The following NAV2 variants were observed in gnomAD, a reference collection of about 807,000 sequenced individuals.
NAV2 encodes helicase, APC down-regulated 1.
Under a neutral mutation model 223.2 loss-of-function variants are expected in NAV2, and 54 were observed. The ratio of observed to expected loss-of-function variants is 0.24; its 90% confidence interval spans 0.19 to 0.30. The LOEUF (loss-of-function observed/expected upper bound fraction) is 0.30, where lower values mean the gene tolerates loss of function less well. Among genes scored for constraint, NAV2 ranks in the 10% least tolerant of loss-of-function variants. NAV2 has a pLI of 1.00. For missense variants in NAV2, 2,806 were observed against 3,147.5 expected, an observed-to-expected ratio of 0.89 and a Z score of 2.60; for synonymous variants, 1,279 against 1,239.3, an observed-to-expected ratio of 1.03 and a Z score of -0.67.
chr11:20,098,079 C>G (rs965966077), intron 31 of NAV2, among the ~76,000 whole-genome samples: 1 of 152,178 alleles, frequency 6.6e-6, no homozygotes, highest in Non-Finnish European at 1.5e-5. Flanking sequence ...TGGATGCAGT[C>G]CCGTTCTACA....
At chr11:19,960,604 T>TATTTATTG (rs1444895492) in intron 10 of NAV2, among the ~76,000 whole-genome samples, 1 of 149,584 alleles carries the variant, frequency 6.7e-6, no homozygotes, top group Admixed American at 6.7e-5. Flanking sequence ...TTTATTTATT[T>TATTTATTG]ATTTATTTAT....
intron 7 of NAV2, among the ~76,000 whole-genome samples, chr11:19,937,630 C>A (rs2046028260): frequency 1.3e-5 from 2 of 152,190 alleles, no homozygotes; most frequent in African/African-American, 4.8e-5. Flanking sequence ...TCAAGTTTTG[C>A]ATGGCTAACA....
chr11:20,019,516 C>G (rs1371417187), intron 11 of NAV2, among the ~76,000 whole-genome samples: 1 of 152,114 alleles, frequency 6.6e-6, no homozygotes, highest in African/African-American at 2.4e-5. Flanking sequence ...TGTCTGCCTT[C>G]ACCTAGTATT....
intron 1 of NAV2, among the ~76,000 whole-genome samples, chr11:19,611,109 C>T (rs1292425717): frequency 6.6e-6 from 1 of 152,086 alleles, no homozygotes; most frequent in Non-Finnish European, 1.5e-5. Flanking sequence ...ATGGTGGCAG[C>T]AAGAGAGAAT....
chr11:19,961,715 A>T (rs554669859), intron 10 of NAV2, among the ~76,000 whole-genome samples: 2 of 152,254 alleles, frequency 1.3e-5, no homozygotes, highest in Admixed American at 6.5e-5. Flanking sequence ...TGTGAGGAGG[A>T]GTAGAGGAGA....
At chr11:20,066,874 G>C (rs550703167) in intron 20 of NAV2, among the ~76,000 whole-genome samples, 1 of 152,188 alleles carries the variant, frequency 6.6e-6, no homozygotes, top group Non-Finnish European at 1.5e-5. Context: ...TGGGTACAGC[G>C]ATGGGTAGAG....
At position 19,800,581 on chromosome 11, in the gene NAV2, C is replaced by G. The variant is rs192772297; in HGVS notation, c.268-31903C>G. ...TCCAGGTTCTGAATGAATCTTAAAC[C>G]AAATTATCTTGAAATGCAAGCTTAG... On this transcript the variant is annotated intron_variant, in intron 1 of 37. Transcript: ENST00000349880. Among the ~76,000 whole-genome samples, 18 of 152,010 alleles carry G rather than the reference C, an allele frequency of 1.2e-4. No homozygotes were observed. In the East Asian group the frequency reaches 3.3e-3, roughly 28 times the overall value.
chr11:19,873,779 C>T (rs1466101567), intron 4 of NAV2, among the ~76,000 whole-genome samples: 2 of 152,158 alleles, frequency 1.3e-5, no homozygotes, highest in Non-Finnish European at 2.9e-5. Context: ...TCCCCATAGG[C>T]TCTGCTCCCA....
intron 1 of NAV2, among the ~76,000 whole-genome samples, chr11:19,471,875 G>C (rs1373046912): frequency 6.6e-6 from 1 of 152,170 alleles, no homozygotes; most frequent in East Asian, 1.9e-4. Context: ...TCCCACAGAT[G>C]CTGCTCTCAG....
At chr11:19,532,556 T>C (rs530933041) in intron 1 of NAV2, among the ~76,000 whole-genome samples, 21 of 152,120 alleles carry the variant, frequency 1.4e-4, no homozygotes, top group Non-Finnish European at 1.9e-4. Context: ...ATTAATATAA[T>C]CACTAATCAT....
intron 1 of NAV2, among the ~76,000 whole-genome samples, chr11:19,443,254 C>T (rs1020035053): frequency 1.3e-5 from 2 of 152,176 alleles, no homozygotes; most frequent in Non-Finnish European, 2.9e-5. Context: ...TGAGTTGCTC[C>T]TCCACTGCGA....
At chr11:19,906,005 G>A (rs1392452128) in intron 6 of NAV2, among the ~76,000 whole-genome samples, 1 of 152,036 alleles carries the variant, frequency 6.6e-6, no homozygotes, top group Non-Finnish European at 1.5e-5. Flanking sequence ...TCAAATCATA[G>A]CCACGTATGA....
chr11:19,745,157 T>C (rs916090573), intron 1 of NAV2, among the ~76,000 whole-genome samples: 4 of 152,170 alleles, frequency 2.6e-5, no homozygotes, highest in Non-Finnish European at 5.9e-5. Flanking sequence ...GAAGACATGA[T>C]TTCAGAGGCA....
chr11:19,677,930 G>A (rs933297991), intron 1 of NAV2, among the ~76,000 whole-genome samples: 4 of 152,202 alleles, frequency 2.6e-5, no homozygotes, highest in Admixed American at 2.0e-4. Flanking sequence ...CCAACCCCTG[G>A]TCTAACCCAC....
At chr11:19,358,150 A>G (rs995174) in intron 1 of NAV2, among the ~76,000 whole-genome samples, 148,047 of 152,246 alleles carry the variant, frequency 0.97, 72,109 homozygotes, top group East Asian at 1. Context: ...CTTCTTTCTC[A>G]TTGGTATAAT....
Position 20,068,400 on chromosome 11 carries a change from T to C in NAV2, c.4983+2T>C. The C allele has an allele frequency of 6.2e-7, 1 of 1,612,014 alleles. No individual in the cohort carries two copies. Among genetic ancestry groups the C allele is most frequent in the Non-Finnish European group, 8.5e-7 (1 of 1,178,120 alleles). On this transcript the variant is annotated splice_donor_variant, in intron 22 of 37. Coordinates refer to ENST00000349880, the MANE Select transcript of NAV2 (RefSeq NM_145117.5). LOFTEE classifies it high-confidence loss of function. ...TTGACCACCCAGCTGACAGCAAATG[T>C]AAGTACAGACATAGGGCAGTAGCAT... is the stretch of plus-strand genomic sequence containing the variant.
rs1023170283 is a variant in NAV2 at position 19,712,899 on chromosome 11, C to T, written c.-797C>T. ...TTCCCGGGAAGCGCGGCGGCCGCTC[C>T]CGAGCGCAGCCCTGCCCGGCCCGCC... On this transcript the variant is annotated 5_prime_UTR_variant, in exon 1 of 38. Transcript: ENST00000349880. Among the ~76,000 whole-genome samples the T allele has an allele frequency of 4.0e-5, 6 of 151,336 alleles. No homozygotes were observed. Among genetic ancestry groups the T allele is most frequent in the Admixed American group, 1.3e-4 (2 of 15,186 alleles).
intron 1 of NAV2, among the ~76,000 whole-genome samples, chr11:19,514,881 T>A (rs1442363014): frequency 6.6e-6 from 1 of 151,434 alleles, no homozygotes. Flanking sequence ...TGAGGAGGAG[T>A]TTTTGGGGCC....
intron 1 of NAV2, among the ~76,000 whole-genome samples, chr11:19,620,418 T>G (rs1286902395): frequency 1.3e-5 from 2 of 152,246 alleles, no homozygotes; most frequent in Non-Finnish European, 2.9e-5. Flanking sequence ...CATTTGTTTG[T>G]GTCCTCTTTT....
Sources: gnomAD v4.1 joint callset for allele counts (sites outside exome capture counted in the v4.1 genomes callset) on GRCh38, gnomAD v4.1.1 for gene constraint, MANE v1.5 for transcripts, NCBI Gene and HGNC (gene_info 2026-07-23, HGNC 2026-07-21) for gene names.